The following PRR5L variants were observed in gnomAD, a reference collection of about 807,000 sequenced individuals.
The protein encoded by PRR5L is proline rich 5 like.
PRR5L carries 21 observed loss-of-function variants against 36.4 expected under a neutral mutation model. The observed-to-expected ratio is 0.58, with a 90% CI of 0.41 to 0.83. PRR5L has a LOEUF of 0.83. Ranked by LOEUF, PRR5L falls within the 40% of genes least tolerant of loss-of-function variation. The pLI is 0.00. For missense variants in PRR5L, 381 were observed against 473.3 expected (o/e 0.80, Z 1.81); for synonymous variants, 188 against 197.0 (o/e 0.95, Z 0.38).
intron 1 of PRR5L, among the ~76,000 whole-genome samples, chr11:36,382,590 G>T (rs1206934378): frequency 6.6e-6 from 1 of 152,156 alleles, no homozygotes; most frequent in African/African-American, 2.4e-5. Flanking sequence ...CTACAATGCG[G>T]GTAGCAGGGC....
chr11:36,303,754 T>A (rs1856401247), intron 1 of PRR5L, among the ~76,000 whole-genome samples: 1 of 152,166 alleles, frequency 6.6e-6, no homozygotes, highest in Admixed American at 6.5e-5. Context: ...AGGGCTTAAC[T>A]GGAATGAAAA....
chr11:36,353,919 A>T (rs115146483), intron 1 of PRR5L, among the ~76,000 whole-genome samples: 11,799 of 152,182 alleles, frequency 0.078, 553 homozygotes, highest in African/African-American at 0.12. Context: ...TGAAAATGAG[A>T]GACCATTTCT....
intron 1 of PRR5L, among the ~76,000 whole-genome samples, chr11:36,388,701 T>TTTTC (rs1857503433): frequency 2.9e-5 from 4 of 139,086 alleles, no homozygotes; most frequent in Admixed American, 2.1e-4. Flanking sequence ...TTTCTTTCTT[T>TTTTC]TTTTTTTTTT....
At chr11:36,446,956 G>A (rs1179730806) in intron 7 of PRR5L, among the ~76,000 whole-genome samples, 1 of 152,076 alleles carries the variant, frequency 6.6e-6, no homozygotes, top group African/African-American at 2.4e-5. Context: ...TATCTTTCCT[G>A]GACTTGGTCT....
At chr11:36,427,705 C>T (rs1261491097) in intron 4 of PRR5L, among the ~76,000 whole-genome samples, 1 of 152,178 alleles carries the variant, frequency 6.6e-6, no homozygotes, top group African/African-American at 2.4e-5. Context: ...GGTGAAGTGA[C>T]AGGGTGAGCT....
intron 1 of PRR5L, among the ~76,000 whole-genome samples, chr11:36,341,216 G>C (rs1856814090): frequency 6.6e-6 from 1 of 152,210 alleles, no homozygotes; most frequent in Admixed American, 6.5e-5. Context: ...GTCACACAGA[G>C]AGAGATTAAT....
intron 5 of PRR5L, among the ~76,000 whole-genome samples, chr11:36,436,243 G>T (rs938706850): frequency 6.6e-6 from 1 of 152,204 alleles, no homozygotes; most frequent in African/African-American, 2.4e-5. Flanking sequence ...TGCCAAACGC[G>T]TCTCTCAGTG....
intron 1 of PRR5L, among the ~76,000 whole-genome samples, chr11:36,363,969 C>G (rs1475100324): frequency 6.6e-6 from 1 of 152,182 alleles, no homozygotes; most frequent in Admixed American, 6.5e-5. Context: ...AGCCACTGGT[C>G]TTGGGAGGGT....
chr11:36,401,730 G>A (rs1857802337), intron 2 of PRR5L, among the ~76,000 whole-genome samples: 1 of 152,182 alleles, frequency 6.6e-6, no homozygotes, highest in Non-Finnish European at 1.5e-5. Flanking sequence ...ACTGCACCTG[G>A]CCAAGAGAGC....
At chr11:36,370,651 G>A (rs763457696) in intron 1 of PRR5L, among the ~76,000 whole-genome samples, 2 of 152,148 alleles carry the variant, frequency 1.3e-5, no homozygotes, top group Non-Finnish European at 2.9e-5. Context: ...GGAGGCCAAC[G>A]CGGGCAAATC....
chr11:36,403,932 T>G (rs1857854719), intron 3 of PRR5L, among the ~76,000 whole-genome samples: 2 of 152,224 alleles, frequency 1.3e-5, no homozygotes, highest in Non-Finnish European at 2.9e-5. Context: ...CTAAGACAGC[T>G]ACTCCAACAC....
rs561124348 is a variant in PRR5L at position 36,401,154 on chromosome 11, C to G, written c.33C>G (p.Val11=). The G allele has an allele frequency of 4.7e-5, 76 of 1,614,178 alleles. 1 individual carries two copies. In the South Asian group the frequency reaches 7.7e-4, roughly 16 times the overall value. ...GCGGCTTCGCTCCCATTCTGCCCGT[C>G]GAGTTCCACAAGATGGGCTCCTTCC... MTRGFAPILP[V]EFHKMGSFRR... is the part of the protein sequence containing the mutation. The change falls in exon 2 of 9, where the codon GTC becomes GTG. Residue 11 remains valine (V), a synonymous_variant. Transcript: ENST00000530639.
chr11:36,360,077 A>ACC (rs1565415401), intron 1 of PRR5L, among the ~76,000 whole-genome samples: 2 of 7,212 alleles, frequency 2.8e-4, no homozygotes, highest in African/African-American at 1.1e-3. Flanking sequence ...ACACACACCC[A>ACC]CACACACACA....
rs373763928 is a variant in PRR5L, at chr11:36,382,035, G to A, written c.-125-18962G>A. Among the ~76,000 whole-genome samples, 6 of 152,220 alleles carry A rather than the reference G, an allele frequency of 3.9e-5. No individual in the cohort carries two copies. In the East Asian group the frequency reaches 9.7e-4, roughly 25 times the overall value. On this transcript the variant is annotated intron_variant, in intron 1 of 8. Coordinates refer to ENST00000530639, the MANE Select transcript of PRR5L (RefSeq NM_001160167.2). Reference sequence around the variant, plus strand: ...GAGCCGGGCATGGTGGCGTGTGCCTGTAGTCCCAGCTACTCGGGAGGCTGA... The same window carrying A: ...GAGCCGGGCATGGTGGCGTGTGCCTATAGTCCCAGCTACTCGGGAGGCTGA...
chr11:36,393,585 G>A (rs1857601988), intron 1 of PRR5L, among the ~76,000 whole-genome samples: 1 of 152,136 alleles, frequency 6.6e-6, no homozygotes. Flanking sequence ...CTACAGCTCT[G>A]TAGTATAATT....
At chr11:36,444,129 C>A (rs1419869666) in intron 6 of PRR5L, among the ~76,000 whole-genome samples, 2 of 152,290 alleles carry the variant, frequency 1.3e-5, no homozygotes, top group Non-Finnish European at 2.9e-5. Context: ...ATGAAAGCAT[C>A]TTGGTCAGGA....
chr11:36,347,721 C>T (rs967448298), intron 1 of PRR5L, among the ~76,000 whole-genome samples: 5 of 151,780 alleles, frequency 3.3e-5, no homozygotes, highest in Admixed American at 3.3e-4. Context: ...CTGATATCCA[C>T]TTCTTGTCAA....
chr11:36,413,968 T>G (rs960741568), intron 3 of PRR5L, among the ~76,000 whole-genome samples: 7 of 148,592 alleles, frequency 4.7e-5, no homozygotes, highest in Admixed American at 3.4e-4. Flanking sequence ...CGGTGTTTGG[T>G]TTTTTGTCCT....
chr11:36,436,775 G>A (rs1048314029), intron 5 of PRR5L, among the ~76,000 whole-genome samples: 1 of 152,196 alleles, frequency 6.6e-6, no homozygotes, highest in African/African-American at 2.4e-5. Context: ...TGACTTTGGG[G>A]CAGTTAGTTG....
Sources: allele counts gnomAD v4.1 joint callset (sites outside exome capture counted in the v4.1 genomes callset), GRCh38; gene constraint gnomAD v4.1.1; transcripts MANE v1.5; gene names NCBI Gene and HGNC (gene_info 2026-07-23, HGNC 2026-07-21).